GSE1: variants seen among roughly 807,000 people sequenced by gnomAD.
GSE1 encodes the protein Gse1 coiled-coil protein.
Under a neutral mutation model 112.6 loss-of-function variants are expected in GSE1, and 32 were observed. That is an observed-to-expected ratio of 0.28 (90% confidence interval 0.21 to 0.38). The LOEUF is 0.38. Among genes scored for constraint, GSE1 ranks in the 10% least tolerant of loss-of-function variants. The pLI is 1.00. For synonymous variants in GSE1, 1,115 were observed against 735.6 expected (o/e 1.52, Z -8.35); for missense variants, 2,348 against 1,699.2 (o/e 1.38, Z -6.71).
chr16:85,652,815 C>G (rs1230965518), intron 3 of GSE1, among the ~76,000 whole-genome samples: 4 of 152,184 alleles, frequency 2.6e-5, no homozygotes, highest in African/African-American at 4.8e-5. Flanking sequence ...TCCTGCTGAT[C>G]TTGTGGGGAG....
intron 1 of GSE1, among the ~76,000 whole-genome samples, chr16:85,259,536 G>C (rs751406528): frequency 6.6e-6 from 1 of 152,266 alleles, no homozygotes; most frequent in African/African-American, 2.4e-5. Flanking sequence ...AGGGCAGCCA[G>C]GGCACAGAGA....
At chr16:85,337,307 CTTTTTTTTTT>C (rs750709031) in intron 1 of GSE1, among the ~76,000 whole-genome samples, 1 of 133,524 alleles carries the variant, frequency 7.5e-6, no homozygotes, top group East Asian at 2.1e-4. Flanking sequence ...CTTTTCTTTT[CTTTTTTTTTT>C]TTTTTTGAGA....
At chr16:85,463,050 CCCCGGGTCCCGCGG>C in intron 2 of GSE1, 1 of 977,674 alleles carries the variant, frequency 1.0e-6, no homozygotes, top group Non-Finnish European at 1.2e-6. Context: ...CTCCTAGAGG[CCCCGGGTCCCGCGG>C]CCCGGGGGGC....
chr16:85,626,959 C>G (rs867420121), intron 1 of GSE1, among the ~76,000 whole-genome samples: 1 of 147,034 alleles, frequency 6.8e-6, no homozygotes, highest in Non-Finnish European at 1.5e-5. Context: ...GAACTAAGAA[C>G]GAGATGGGTT....
intron 1 of GSE1, among the ~76,000 whole-genome samples, chr16:85,627,176 G>C (rs918846859): frequency 8.2e-6 from 1 of 121,334 alleles, no homozygotes; most frequent in African/African-American, 3.1e-5. Flanking sequence ...GGCGGGGGGT[G>C]GGGGCCTCAC....
intron 2 of GSE1, among the ~76,000 whole-genome samples, chr16:85,385,612 C>T (rs545035710): frequency 0.012 from 1,846 of 152,296 alleles, 18 homozygotes; most frequent in Non-Finnish European, 0.019. Flanking sequence ...CCGTGGCACC[C>T]CCAGGGCCAG....
chr16:85,435,860 TG>T (rs1193564862), intron 2 of GSE1, among the ~76,000 whole-genome samples: 1 of 152,126 alleles, frequency 6.6e-6, no homozygotes, highest in East Asian at 1.9e-4. Flanking sequence ...GGTGGATCTG[TG>T]GGTCCCATGT....
chr16:85,430,761 C>A (rs768424609), intron 2 of GSE1, among the ~76,000 whole-genome samples: 4 of 152,222 alleles, frequency 2.6e-5, no homozygotes, highest in Non-Finnish European at 5.9e-5. Flanking sequence ...TAGGCACACA[C>A]GTGCATGACC....
intron 1 of GSE1, among the ~76,000 whole-genome samples, chr16:85,297,918 A>T (rs2045413584): frequency 6.6e-6 from 1 of 152,202 alleles, no homozygotes; most frequent in Non-Finnish European, 1.5e-5. Context: ...ACTTGATTTT[A>T]GTCCCTGCGT....
At chr16:85,524,165 G>A (rs1198960805) in intron 2 of GSE1, among the ~76,000 whole-genome samples, 1 of 152,180 alleles carries the variant, frequency 6.6e-6, no homozygotes, top group African/African-American at 2.4e-5. Flanking sequence ...TCTGATTCCT[G>A]TGGCTGCAGG....
chr16:85,500,787 C>T (rs937312164), intron 2 of GSE1, among the ~76,000 whole-genome samples: 2 of 152,124 alleles, frequency 1.3e-5, no homozygotes, highest in African/African-American at 4.8e-5. Context: ...CATAAAGGCC[C>T]GAAGTCCCAG....
intron 1 of GSE1, among the ~76,000 whole-genome samples, chr16:85,570,650 G>T (rs1248653785): frequency 6.6e-6 from 1 of 152,218 alleles, no homozygotes; most frequent in Admixed American, 6.5e-5. Flanking sequence ...GGAGGAATAG[G>T]AACGCAAATA....
intron 1 of GSE1, among the ~76,000 whole-genome samples, chr16:85,251,134 C>G (rs951005120): frequency 3.9e-5 from 6 of 152,202 alleles, no homozygotes; most frequent in Non-Finnish European, 7.3e-5. Flanking sequence ...CCTGTGGACG[C>G]GCGTCTCCAT....
chr16:85,178,243 C>T (rs1290956775), intron 1 of GSE1, among the ~76,000 whole-genome samples: 1 of 152,136 alleles, frequency 6.6e-6, no homozygotes, highest in Non-Finnish European at 1.5e-5. Flanking sequence ...GTCCTGAAGA[C>T]TGAAAAGGAT....
In GSE1 at chr16:85,208,284, G is replaced by A. The variant is rs570987666; in HGVS notation, c.2283+36477G>A. Among the ~76,000 whole-genome samples the A allele has an allele frequency of 1.6e-4, 24 of 152,268 alleles. 1 individual carries two copies. The South Asian group carries it at 3.7e-3, about 24-fold the overall frequency. On this transcript the variant is annotated intron_variant, in intron 1 of 2. Transcript: ENST00000637419. ...CCACCACATGCTGGGGATGCACTCC[G>A]CCACGTCGCTGGCGGAAGGAATCAT...
chr16:85,178,209 T>C (rs1027427167), intron 1 of GSE1, among the ~76,000 whole-genome samples: 5 of 152,088 alleles, frequency 3.3e-5, no homozygotes, highest in Non-Finnish European at 7.3e-5. Flanking sequence ...GAAGACTTCC[T>C]GGAGGAGGTG....
chr16:85,431,505 C>T (rs933919242), intron 2 of GSE1, among the ~76,000 whole-genome samples: 1 of 152,258 alleles, frequency 6.6e-6, no homozygotes, highest in African/African-American at 2.4e-5. Context: ...TTGCAGAGCG[C>T]GTCTCTGATC....
intron 1 of GSE1, among the ~76,000 whole-genome samples, chr16:85,629,616 C>T (rs902469616): frequency 2.6e-5 from 4 of 152,230 alleles, no homozygotes; most frequent in African/African-American, 9.6e-5. Flanking sequence ...CTGCCTTCGC[C>T]TATCTGGGAA....
intron 1 of GSE1, among the ~76,000 whole-genome samples, chr16:85,266,133 G>A (rs981772094): frequency 1.3e-5 from 2 of 152,062 alleles, no homozygotes; most frequent in African/African-American, 2.4e-5. Context: ...GTGGGGGAGC[G>A]CCCCACCCCA....
Sources: allele counts gnomAD v4.1 joint callset (sites outside exome capture counted in the v4.1 genomes callset), GRCh38; gene constraint gnomAD v4.1.1; transcripts MANE v1.5; gene names NCBI Gene and HGNC (gene_info 2026-07-23, HGNC 2026-07-21).